Variants in RNASEH2B observed in about 807,000 individuals in gnomAD.
RNASEH2B encodes Aicardi-Goutieres syndrome 2 protein.
Under a neutral mutation model 45.0 loss-of-function variants are expected in RNASEH2B, and 36 were observed. That is an observed-to-expected ratio of 0.80 (90% CI 0.61 to 1.06). RNASEH2B has a LOEUF of 1.06. Among genes scored for constraint, RNASEH2B ranks in the 50% least tolerant of loss-of-function variants. RNASEH2B has a pLI of 0.00. For missense variants in RNASEH2B, 361 were observed against 360.3 expected, an observed-to-expected ratio of 1.00 and a Z score of -0.02; for synonymous variants, 119 against 125.7, an observed-to-expected ratio of 0.95 and a Z score of 0.35.
chr13:50,931,593 A>G (rs1034400133), intron 4 of RNASEH2B, among the ~76,000 whole-genome samples: 2 of 152,200 alleles, frequency 1.3e-5, no homozygotes, highest in Non-Finnish European at 2.9e-5. Flanking sequence ...CTGATTCTGC[A>G]TTCAGTCTGT....
chr13:50,953,908 A>G lies in RNASEH2B; in HGVS notation c.745A>G (p.Ile249Val). Reference protein sequence around the residue: ...ASLPNPPSKKIKLSDEPVEAK... With the variant: ...ASLPNPPSKKVKLSDEPVEAK... ...CTTCACTGCTCTAATGTTGCAGAAA[A>G]TAAAGTTATCAGATGAGCCTGTAGA... Residue 249 changes from isoleucine to valine, a missense_variant, in exon 10 of 11, where the codon ATA becomes GTA. Transcript: ENST00000336617. 1 of 1,594,784 alleles carries G rather than the reference A, an allele frequency of 6.3e-7. No homozygotes were observed. The highest frequency in any genetic ancestry group is 8.6e-7 in the Non-Finnish European group (1 of 1,162,486).
intron 4 of RNASEH2B, among the ~76,000 whole-genome samples, chr13:50,931,608 A>T (rs960103419): frequency 6.6e-6 from 1 of 152,194 alleles, no homozygotes; most frequent in Admixed American, 6.5e-5. Context: ...GTCTGTTTCC[A>T]TATGTTATTT....
chr13:50,967,626 A>G (rs1384036012), intron 9 of RNASEH2B, among the ~76,000 whole-genome samples: 1 of 152,184 alleles, frequency 6.6e-6, no homozygotes, highest in African/African-American at 2.4e-5. Flanking sequence ...CTACCACATC[A>G]AATTCCCTTT....
chr13:50,921,064 G>A (rs1448692188), intron 1 of RNASEH2B: 1 of 152,122 alleles, frequency 6.6e-6, no homozygotes, highest in Non-Finnish European at 1.5e-5. Flanking sequence ...CGTAGTTGAG[G>A]GAAGGGTTAC....
intron 1 of RNASEH2B, among the ~76,000 whole-genome samples, chr13:50,917,927 C>T (rs1879834921): frequency 6.6e-6 from 1 of 152,140 alleles, no homozygotes; most frequent in Admixed American, 6.5e-5. Context: ...TCCTGCTTCC[C>T]ACATAGTTCA....
At position 50,956,357 on chromosome 13, in the gene RNASEH2B, GA is replaced by G; in HGVS notation, c.827del (p.Asn276IlefsTer4). 13 of 1,592,708 alleles carry G rather than the reference GA, an allele frequency of 8.2e-6. No individual in the cohort carries two copies. The highest frequency in any genetic ancestry group is 1.1e-5 in the Non-Finnish European group (13 of 1,166,198). On this transcript the variant is annotated frameshift_variant and splice_region_variant, in exon 11 of 11. Transcript: ENST00000336617. LOFTEE classifies it high-confidence loss of function. ...TTTTTCTCTCTTATTTTCATTAACA[GA>G]AAAATAGCAAAATGACTGCAGCTCA... The part of the protein sequence containing the change: ...FNTKDLKTEK[K>X]NSKMTAAQKA...
At chr13:50,953,802 C>T (rs1288958603) in intron 9 of RNASEH2B, 103 bp from the exon 10 acceptor site, 9 of 759,542 alleles carry the variant, frequency 1.2e-5, no homozygotes, top group South Asian at 3.0e-5. Flanking sequence ...CTGTCCCATT[C>T]GCCTCTGTAG....
intron 1 of RNASEH2B, among the ~76,000 whole-genome samples, chr13:50,916,254 G>A (rs539510221): frequency 6.7e-6 from 1 of 148,320 alleles, no homozygotes; most frequent in South Asian, 2.2e-4. Flanking sequence ...TTATTTCATT[G>A]TTTACCCTTA....
chr13:50,957,045 G>A (rs1016269757), downstream of RNASEH2B, among the ~76,000 whole-genome samples: 3 of 150,360 alleles, frequency 2.0e-5, no homozygotes, highest in Non-Finnish European at 4.4e-5. Context: ...ATAATGTATT[G>A]TCTTATAATA....
intron 1 of RNASEH2B, among the ~76,000 whole-genome samples, chr13:50,915,080 A>T (rs1879662773): frequency 6.6e-6 from 1 of 152,182 alleles, no homozygotes; most frequent in Non-Finnish European, 1.5e-5. Flanking sequence ...TGGGGTTGTT[A>T]TCTGTGGTTT....
In RNASEH2B at chr13:50,956,571, A is replaced by G; in HGVS notation, c.*97A>G. The G allele has an allele frequency of 6.6e-7, 1 of 1,526,466 alleles. No homozygotes were observed. Among genetic ancestry groups the G allele is most frequent in the Non-Finnish European group, 8.8e-7 (1 of 1,134,712 alleles). The allele number at this position is 1,526,466 out of a possible 1,614,324, so 94.6% of individuals were successfully genotyped here. On this transcript the variant is annotated 3_prime_UTR_variant, in exon 11 of 11. Transcript: ENST00000336617. ...TGACTACCTTTGGTTGGGGGAAGGAAGAGGCCAATTTCATGTTCTCTTAAA... is the reference window on the plus strand; with the variant it reads ...TGACTACCTTTGGTTGGGGGAAGGAGGAGGCCAATTTCATGTTCTCTTAAA...
At chr13:50,966,857 T>C (rs1231905071) in intron 9 of RNASEH2B, among the ~76,000 whole-genome samples, 6 of 152,236 alleles carry the variant, frequency 3.9e-5, no homozygotes, top group Admixed American at 6.5e-5. Flanking sequence ...TTATATTGTA[T>C]GCAAACTTCT....
intron 1 of RNASEH2B, 182 bp downstream of exon 1, chr13:50,910,322 A>T (rs1879288798): frequency 4.8e-6 from 2 of 417,764 alleles, no homozygotes; most frequent in Admixed American, 9.1e-5. Flanking sequence ...CGGTTTTCAA[A>T]CCCGGAAGCG....
chr13:50,919,624 T>C (rs551166984), intron 1 of RNASEH2B, among the ~76,000 whole-genome samples: 1 of 152,302 alleles, frequency 6.6e-6, no homozygotes, highest in South Asian at 2.1e-4. Context: ...GTCAGAATCA[T>C]TGTGTTTCCA....
In RNASEH2B at chr13:50,934,950, G is replaced by A. The variant is rs756682554; in HGVS notation, c.387G>A (p.Leu129=). ...DNVFPNCILL[L]KLPGLEKLLH... ...TGTTTCCAAATTGCATCTTGTTGCTGAAACTTCCTGGACTTGAGAAGTTAC... is the reference window on the plus strand; with the variant it reads ...TGTTTCCAAATTGCATCTTGTTGCTAAAACTTCCTGGACTTGAGAAGTTAC... Residue 129 remains leucine (L), a synonymous_variant, in exon 5 of 11, where the codon CTG becomes CTA. Transcript: ENST00000336617. 4.3e-6 allele frequency: 7 copies of A among 1,613,994 alleles called. No homozygotes were observed. Among genetic ancestry groups the A allele is most frequent in the Non-Finnish European group, 5.9e-6 (7 of 1,179,890 alleles).
chr13:50,925,436 A>G (rs953446159), intron 1 of RNASEH2B, among the ~76,000 whole-genome samples: 8 of 152,168 alleles, frequency 5.3e-5, no homozygotes, highest in African/African-American at 1.9e-4. Context: ...GGTGATGAGT[A>G]TTTTGTATTT....
chr13:50,913,304 T>C (rs1879538941), intron 1 of RNASEH2B, among the ~76,000 whole-genome samples: 1 of 152,218 alleles, frequency 6.6e-6, no homozygotes, highest in Admixed American at 6.5e-5. Flanking sequence ...TTGAGTCATA[T>C]TTTTAATGTT....
chr13:50,969,522 C>CAAAAAAAA (rs3042194), intron 9 of RNASEH2B, among the ~76,000 whole-genome samples: 1 of 100,574 alleles, frequency 9.9e-6, no homozygotes. Flanking sequence ...ACTGCCTCTA[C>CAAAAAAAA]AAAAAAAAAA....
intron 1 of RNASEH2B, among the ~76,000 whole-genome samples, chr13:50,921,756 C>G (rs947749926): frequency 6.6e-6 from 1 of 152,162 alleles, no homozygotes; most frequent in African/African-American, 2.4e-5. Flanking sequence ...CAAAAAGCAA[C>G]TTTTTCAGAA....
Sources: allele counts gnomAD v4.1 joint callset (sites outside exome capture counted in the v4.1 genomes callset), GRCh38; gene constraint gnomAD v4.1.1; transcripts MANE v1.5; gene names NCBI Gene and HGNC (gene_info 2026-07-23, HGNC 2026-07-21).